ERC1: variants seen among roughly 807,000 people sequenced by gnomAD.
ERC1 encodes the protein RAB6 interacting protein 2.
Under a neutral mutation model 132.0 loss-of-function variants are expected in ERC1, and 56 were observed. The observed-to-expected ratio is 0.42, with a 90% CI of 0.34 to 0.53. The LOEUF (loss-of-function observed/expected upper bound fraction) is 0.53, where lower values mean the gene tolerates loss of function less well. Ranked by LOEUF, ERC1 falls within the 20% of genes least tolerant of loss-of-function variation. The pLI is 0.03. For missense variants in ERC1, 1,202 were observed against 1,349.9 expected, an observed-to-expected ratio of 0.89 and a Z score of 1.72; for synonymous variants, 478 against 476.1, an observed-to-expected ratio of 1.00 and a Z score of -0.05.
intron 4 of ERC1, among the ~76,000 whole-genome samples, chr12:1,106,683 T>C (rs1209096720): frequency 6.6e-6 from 1 of 152,226 alleles, no homozygotes; most frequent in Non-Finnish European, 1.5e-5. Flanking sequence ...TTTTACCCTT[T>C]CCACATTCAC....
chr12:1,342,433 C>T (rs551476083), intron 15 of ERC1, among the ~76,000 whole-genome samples: 4 of 150,622 alleles, frequency 2.7e-5, no homozygotes, highest in African/African-American at 9.8e-5. Flanking sequence ...CGCCATCGCA[C>T]TCCAGCCTGG....
Position 1,083,405 on chromosome 12 carries a change from C to T in ERC1, c.911C>T (p.Ala304Val). ...RIETQKQTLN[A>V]RDESIKKLLE... ...GAGACTCAAAAGCAGACCCTAAATG[C>T]TCGGGATGAATCCATTAAGAAGCTT... The change falls in exon 3 of 19, where the codon GCT becomes GTT. Residue 304 changes from alanine to valine, a missense_variant. Coordinates refer to ENST00000360905, the MANE Select transcript of ERC1 (RefSeq NM_178040.4). 1 of 1,614,118 alleles carries T rather than the reference C, an allele frequency of 6.2e-7. No homozygotes were observed. Among genetic ancestry groups the T allele is most frequent in the Non-Finnish European group, 8.5e-7 (1 of 1,180,024 alleles).
chr12:1,006,156 C>T (rs915507691), intron 1 of ERC1, among the ~76,000 whole-genome samples: 2 of 139,080 alleles, frequency 1.4e-5, no homozygotes, highest in African/African-American at 2.7e-5. Flanking sequence ...GGGGTTTCAC[C>T]ATCTTGGCCA....
At chr12:1,077,174 TTC>T (rs36079064) in intron 2 of ERC1, among the ~76,000 whole-genome samples, 34,475 of 152,096 alleles carry the variant, frequency 0.23, 4,306 homozygotes, top group Middle Eastern at 0.27. Context: ...GTGTACTGAG[TTC>T]TCTGTGATAT....
intron 15 of ERC1, among the ~76,000 whole-genome samples, chr12:1,350,750 A>G (rs938662652): frequency 2.0e-5 from 3 of 152,178 alleles, no homozygotes; most frequent in Non-Finnish European, 2.9e-5. Flanking sequence ...GATAATTTAT[A>G]ATGTAACAAG....
At chr12:1,168,926 G>A (rs1041617886) in intron 8 of ERC1, among the ~76,000 whole-genome samples, 1 of 152,140 alleles carries the variant, frequency 6.6e-6, no homozygotes, top group Non-Finnish European at 1.5e-5. Flanking sequence ...GTTCATTTGT[G>A]TGAACTGAGA....
Position 1,285,564 on chromosome 12 carries a change from T to C in ERC1, c.2620-4288T>C, listed in dbSNP as rs150777630. Among the ~76,000 whole-genome samples the C allele has an allele frequency of 5.5e-3, 845 of 152,324 alleles. 10 individuals are homozygous for C. Among genetic ancestry groups the C allele is most frequent in the African/African-American group, 0.019 (802 of 41,582 alleles). ...ATCTTTGCCAGCACATTTGAAAATT[T>C]AGACTAAATGACCAAATGCCAGGAA... is the stretch of plus-strand genomic sequence containing the variant. On this transcript the variant is annotated intron_variant, in intron 14 of 18. Transcript: ENST00000360905.
chr12:1,164,090 A>C (rs1952128852), intron 8 of ERC1, among the ~76,000 whole-genome samples: 1 of 152,064 alleles, frequency 6.6e-6, no homozygotes, highest in Admixed American at 6.6e-5. Context: ...TCACACTTCT[A>C]ATGTGGAAGC....
chr12:1,072,628 CTA>C (rs1465949801), intron 2 of ERC1, among the ~76,000 whole-genome samples: 1 of 152,116 alleles, frequency 6.6e-6, no homozygotes, highest in African/African-American at 2.4e-5. Flanking sequence ...ATGGTCTTCT[CTA>C]TGCAAGTTTT....
intron 3 of ERC1, 49 bp downstream of exon 3, chr12:1,083,629 TC>T: frequency 7.1e-7 from 1 of 1,415,374 alleles, no homozygotes; most frequent in South Asian, 1.4e-5. Flanking sequence ...ATCTTTTTTT[TC>T]ACTGATTAAT....
intron 14 of ERC1, among the ~76,000 whole-genome samples, chr12:1,274,015 G>A (rs1373052596): frequency 1.3e-5 from 2 of 152,172 alleles, no homozygotes; most frequent in Non-Finnish European, 2.9e-5. Context: ...TCACTTTCAA[G>A]GGATATTATA....
chr12:1,113,619 T>C (rs1345168432), intron 6 of ERC1, among the ~76,000 whole-genome samples: 1 of 152,246 alleles, frequency 6.6e-6, no homozygotes, highest in African/African-American at 2.4e-5. Flanking sequence ...TTATAGTATA[T>C]ATTAAAAAGG....
At position 1,370,995 on chromosome 12, in the gene ERC1, G is replaced by A. The variant is rs188881645; in HGVS notation, c.2781-838G>A. ...CCCAAAGTGCTGGGATTACAGGCGC[G>A]AGCCACCACGCCTGGCCTGAATATT... On this transcript the variant is annotated intron_variant, in intron 15 of 18. Transcript: ENST00000360905. Among the ~76,000 whole-genome samples the A allele has an allele frequency of 7.9e-5, 12 of 152,292 alleles. No individual in the cohort carries two copies. In the East Asian group the frequency reaches 1.5e-3, roughly 20 times the overall value.
At chr12:1,420,117 C>CTCT (rs531480769) in intron 17 of ERC1, among the ~76,000 whole-genome samples, 13 of 152,064 alleles carry the variant, frequency 8.5e-5, no homozygotes, top group Non-Finnish European at 1.9e-4. Context: ...ATTTGAACTG[C>CTCT]TTAGAAGTCT....
At chr12:1,126,801 A>G (rs1382440560) in intron 7 of ERC1, among the ~76,000 whole-genome samples, 1 of 152,090 alleles carries the variant, frequency 6.6e-6, no homozygotes, top group African/African-American at 2.4e-5. Context: ...CATTCTGGCC[A>G]ACATGGTGAA....
chr12:1,405,709 A>C (rs1250401665), intron 16 of ERC1, among the ~76,000 whole-genome samples: 1 of 152,040 alleles, frequency 6.6e-6, no homozygotes, highest in African/African-American at 2.4e-5. Flanking sequence ...TCTCAAAAAA[A>C]TTAAATAAAT....
chr12:1,386,941 C>T (rs2089444309), intron 16 of ERC1: 14 of 152,260 alleles, frequency 9.2e-5, no homozygotes, highest in Admixed American at 9.2e-4. Context: ...GGGGAGCCAC[C>T]ACAGGCAGAG....
At chr12:1,161,051 C>T (rs1308814357) in intron 8 of ERC1, among the ~76,000 whole-genome samples, 1 of 152,162 alleles carries the variant, frequency 6.6e-6, no homozygotes, top group African/African-American at 2.4e-5. Context: ...GTTGTACAGT[C>T]AAAATTATGT....
At chr12:1,332,813 G>A (rs2082969574) in intron 15 of ERC1, among the ~76,000 whole-genome samples, 1 of 152,144 alleles carries the variant, frequency 6.6e-6, no homozygotes, top group Non-Finnish European at 1.5e-5. Context: ...ATAATAAACT[G>A]CATGTCCTAT....
Sources: gnomAD v4.1 joint callset for allele counts (sites outside exome capture counted in the v4.1 genomes callset) on GRCh38, gnomAD v4.1.1 for gene constraint, MANE v1.5 for transcripts, NCBI Gene and HGNC (gene_info 2026-07-23, HGNC 2026-07-21) for gene names.